The following CSPG4 variants were observed in gnomAD, a reference collection of about 807,000 sequenced individuals.
CSPG4 encodes the protein chondroitin sulfate proteoglycan 4.
A neutral mutation model predicts 139.3 loss-of-function variants in CSPG4; 74 were observed. The ratio of observed to expected loss-of-function variants is 0.53; its 90% CI spans 0.44 to 0.64. CSPG4 has a LOEUF of 0.64. CSPG4 is among the 30% of genes least tolerant of loss of function. The probability of loss-of-function intolerance (pLI) is 0.00; values close to 1 mark genes in which losing one functional copy is unlikely to be tolerated. For missense variants in CSPG4, 2,565 were observed against 3,148.3 expected (o/e 0.81, Z 4.43); for synonymous variants, 1,234 against 1,394.2 (o/e 0.89, Z 2.56).
chr15:75,706,698 G>C (rs1364860438), intron 1 of CSPG4, among the ~76,000 whole-genome samples: 2 of 152,144 alleles, frequency 1.3e-5, no homozygotes, highest in Non-Finnish European at 2.9e-5. Flanking sequence ...CTGTTGCATG[G>C]AGCAGCTTGA....
At position 75,690,518 on chromosome 15, in the gene CSPG4, G is replaced by A. The variant is rs1894150162; in HGVS notation, c.547C>T (p.Pro183Ser). The A allele has an allele frequency of 6.2e-7, 1 of 1,609,714 alleles. No individual in the cohort carries two copies. The highest frequency in any genetic ancestry group is 8.5e-7 in the Non-Finnish European group (1 of 1,179,114). Residue 183 changes from proline to serine, a missense_variant, in exon 3 of 10, where the codon CCT becomes TCT. This residue lies in a region of CSPG4 where 132 missense variants were observed against 132.3 expected (regional missense o/e 1.00). Coordinates refer to ENST00000308508, the MANE Select transcript of CSPG4 (RefSeq NM_001897.5). ...CCCTCATGCACATCGGGGGTCAGAG[G>A]CCGGAGGAGGCTGCGGCCATTGAGG... ...ATLNGRSLLR[P>S]LTPDVHEGCA... is the part of the protein sequence containing the mutation.
intron 1 of CSPG4, among the ~76,000 whole-genome samples, chr15:75,701,407 G>A (rs112560235): frequency 0.021 from 3,194 of 152,286 alleles, 114 homozygotes; most frequent in African/African-American, 0.072. Flanking sequence ...GTGGGAGGGC[G>A]TTGCCGGGGG....
At chr15:75,693,989 A>G (rs900677848) in intron 1 of CSPG4, among the ~76,000 whole-genome samples, 1 of 152,152 alleles carries the variant, frequency 6.6e-6, no homozygotes, top group African/African-American at 2.4e-5. Flanking sequence ...TACCCTTGCT[A>G]TTGCTTCCTG....
At chr15:75,697,163 C>G (rs1056137393) in intron 1 of CSPG4, among the ~76,000 whole-genome samples, 8 of 152,172 alleles carry the variant, frequency 5.3e-5, no homozygotes, top group Non-Finnish European at 1.2e-4. Flanking sequence ...CTTCTGAGTC[C>G]TCAGAAGGCT....
At chr15:75,681,899 C>T (rs1463912432) in intron 8 of CSPG4, among the ~76,000 whole-genome samples, 2 of 152,204 alleles carry the variant, frequency 1.3e-5, no homozygotes, top group South Asian at 2.1e-4. Context: ...CAGGCCCAGC[C>T]GCTGCTTCAC....
rs1391016654 is a variant in CSPG4, at chr15:75,687,735, C to T, written c.3330G>A (p.Gly1110=). ...CCAGCAGCGCAGTGGCCTGGTGTTG[C>T]CCGTCGGACACCTGCAGCTGGATCC... ...RGWIQLQVSD[G]QHQATALLEV... is the part of the protein sequence containing the mutation. The change falls in exon 3 of 10, where the codon GGG becomes GGA. Residue 1110 remains glycine (G), a synonymous_variant. Transcript: ENST00000308508. This position sits in a 1 kb window ranked among gnomAD's most constrained non-coding sequence, Gnocchi z 5.4. 1 of 1,612,826 alleles carries T rather than the reference C, an allele frequency of 6.2e-7. No homozygotes were observed. Among genetic ancestry groups the T allele is most frequent in the African/African-American group, 1.3e-5 (1 of 74,936 alleles).
chr15:75,690,865 T>C (rs1894156879), intron 2 of CSPG4, 53 bp from the exon 3 acceptor site: 2 of 1,541,090 alleles, frequency 1.3e-6, no homozygotes, highest in Non-Finnish European at 1.8e-6. Context: ...GATCCATCAT[T>C]TCCCTTATAA....
At chr15:75,692,184 A>G (rs1291208221) in intron 2 of CSPG4, among the ~76,000 whole-genome samples, 5 of 152,080 alleles carry the variant, frequency 3.3e-5, no homozygotes, top group Non-Finnish European at 7.4e-5. Flanking sequence ...CGGTTTCACC[A>G]TGTTGGCCAG....
rs760686260 is a variant in CSPG4, at chr15:75,698,366, C to G, written c.89-5133G>C. On this transcript the variant is annotated intron_variant, in intron 1 of 9. Coordinates refer to ENST00000308508, the MANE Select transcript of CSPG4 (RefSeq NM_001897.5). The surrounding 1 kb of genome is among the most constrained non-coding windows in gnomAD (Gnocchi z 4.3). The stretch of plus-strand genomic sequence containing the variant: ...CCCACCTGGGGGCTGAATGCCGGCT[C>G]TGTGAGAGCATGGACGGGCCAGGTG... 1.8e-4 allele frequency among the ~76,000 whole-genome samples: 27 copies of G among 152,034 alleles called. 1 individual carries two copies. Among genetic ancestry groups the G allele is most frequent in the African/African-American group, 3.6e-4 (15 of 41,436 alleles).
In CSPG4 at chr15:75,687,445, G is replaced by A; in HGVS notation, c.3620C>T (p.Pro1207Leu). The A allele has an allele frequency of 2.5e-6, 4 of 1,612,628 alleles. No individual in the cohort carries two copies. The highest frequency in any genetic ancestry group is 1.1e-5 in the South Asian group (1 of 91,040). ...VLYSHNGSLSPRDTMAFSVEA... is the reference protein window; with the variant it reads ...VLYSHNGSLSLRDTMAFSVEA... ...CACGGAGAAGGCCATGGTGTCGCGG[G>A]GGCTGAGGCTGCCATTGTGGCTATA... The change falls in exon 3 of 10, where the codon CCC becomes CTC. Residue 1207 changes from proline (P) to leucine (L), a missense_variant. Pro to Leu is a moderately conservative substitution (Grantham distance 98). Coordinates refer to ENST00000308508, the MANE Select transcript of CSPG4 (RefSeq NM_001897.5). The surrounding 1 kb of genome is among the most constrained non-coding windows in gnomAD (Gnocchi z 5.4).
chr15:75,677,594 G>T, intron 9 of CSPG4, 109 bp downstream of exon 9: 1 of 1,342,748 alleles, frequency 7.4e-7, no homozygotes, highest in Non-Finnish European at 1.0e-6. Flanking sequence ...TGACTTCCCA[G>T]GTCCTGGGGG....
chr15:75,702,296 G>A (rs533205265), intron 1 of CSPG4, among the ~76,000 whole-genome samples: 1 of 152,356 alleles, frequency 6.6e-6, no homozygotes, highest in South Asian at 2.1e-4. Context: ...TGCTGCCTTC[G>A]CTCAGGCTGG....
intron 1 of CSPG4, among the ~76,000 whole-genome samples, chr15:75,706,953 CT>C (rs34579443): frequency 0.45 from 61,451 of 136,546 alleles, 13,679 homozygotes; most frequent in African/African-American, 0.57. Context: ...CACATAAGAA[CT>C]TTTTTTTTTT....
chr15:75,686,560 A>G (rs953316217), intron 3 of CSPG4, among the ~76,000 whole-genome samples: 2 of 151,940 alleles, frequency 1.3e-5, no homozygotes, highest in African/African-American at 2.4e-5. Flanking sequence ...TCTGCCTGGA[A>G]TACCACTCCC....
Position 75,687,607 on chromosome 15 carries a change from T to C in CSPG4, c.3458A>G (p.Asp1153Gly). 5 of 1,611,710 alleles carry C rather than the reference T, an allele frequency of 3.1e-6. No homozygotes were observed. Among genetic ancestry groups the C allele is most frequent in the Non-Finnish European group, 4.2e-6 (5 of 1,179,200 alleles). The change falls in exon 3 of 10, where the codon GAC (aspartate) becomes GGC (glycine). Residue 1153 changes from aspartate (D) to glycine (G), a missense_variant. Physicochemically the swap from Asp to Gly is moderately conservative, Grantham distance 94. Coordinates refer to ENST00000308508, the MANE Select transcript of CSPG4 (RefSeq NM_001897.5). The surrounding 1 kb of genome is among the most constrained non-coding windows in gnomAD (Gnocchi z 5.4). Reference sequence around the variant, plus strand: ...CCCACTGCGGATGTCGAGGTTGGTGTCCAGGTGGAGCACGGCCGTGTCGAT... The same window carrying C: ...CCCACTGCGGATGTCGAGGTTGGTGCCCAGGTGGAGCACGGCCGTGTCGAT... The part of the protein sequence containing the change: ...GTIDTAVLHL[D>G]TNLDIRSGDE...
intron 1 of CSPG4, among the ~76,000 whole-genome samples, chr15:75,695,333 A>G (rs2141433861): frequency 6.6e-6 from 1 of 152,260 alleles, no homozygotes; most frequent in Non-Finnish European, 1.5e-5. Flanking sequence ...AGCAGAGGAG[A>G]GTAGAGCCTG....
In CSPG4 at chr15:75,676,581, G is replaced by A. The variant is rs750781181; in HGVS notation, c.5938C>T (p.Arg1980Cys). 1.1e-5 allele frequency: 17 copies of A among 1,613,020 alleles called. No individual in the cohort carries two copies. The highest frequency in any genetic ancestry group is 4.4e-5 in the South Asian group (4 of 91,058). The change falls in exon 10 of 10, where the codon CGC becomes TGC. Residue 1980 changes from arginine (R) to cysteine (C), a missense_variant. Arg to Cys is a radical substitution (Grantham distance 180). Coordinates refer to ENST00000308508, the MANE Select transcript of CSPG4 (RefSeq NM_001897.5). ...CCATACTGGGGTCCCTGGATGAGGC[G>A]GTATGCTGCCTCTGGCTCCTCCCGA... ...SDREEPEAAY[R>C]LIQGPQYGHL...
Position 75,676,066 on chromosome 15 carries a change from G to A in CSPG4, c.6453C>T (p.Val2151=), listed in dbSNP as rs1391074698. Residue 2151 remains valine (V), a synonymous_variant, in exon 10 of 10, where the codon GTC becomes GTT. Transcript: ENST00000308508. ...AGTCCAGGGAGGCCACAGCAGGCGG[G>A]ACGCCCTGTGCCCACAGCTCCAGAG... is the stretch of plus-strand genomic sequence containing the variant. The part of the protein sequence containing the change: ...SLTLELWAQG[V]PPAVASLDFA... The A allele has an allele frequency of 6.5e-7, 1 of 1,533,658 alleles. No homozygotes were observed. Among genetic ancestry groups the A allele is most frequent in the South Asian group, 1.2e-5 (1 of 84,042 alleles).
chr15:75,694,329 G>T (rs981990355), intron 1 of CSPG4, among the ~76,000 whole-genome samples: 4 of 152,196 alleles, frequency 2.6e-5, no homozygotes. Context: ...CTTCCAACCC[G>T]CTGCCACAAT....
Sources: allele counts gnomAD v4.1 joint callset (sites outside exome capture counted in the v4.1 genomes callset), GRCh38; gene constraint gnomAD v4.1.1; regional missense constraint gnomAD v4.1.1; non-coding constraint Gnocchi (gnomAD v3.1); transcripts MANE v1.5; gene names NCBI Gene and HGNC (gene_info 2026-07-23, HGNC 2026-07-21).